Variants in SEMA4D observed in about 807,000 individuals in gnomAD.
The protein encoded by SEMA4D is semaphorin-4D.
In SEMA4D, 22 loss-of-function variants were observed where a neutral mutation model predicts 74.8. The ratio of observed to expected loss-of-function variants is 0.29; its 90% CI spans 0.21 to 0.42. The LOEUF (loss-of-function observed/expected upper bound fraction) is 0.42. SEMA4D is among the 10% of genes least tolerant of loss of function. The pLI is 1.00. For missense variants in SEMA4D, 937 were observed against 1,118.4 expected, an observed-to-expected ratio of 0.84 and a Z score of 2.31; for synonymous variants, 445 against 463.7, an observed-to-expected ratio of 0.96 and a Z score of 0.52.
chr9:89,376,177 G>A (rs1251324744), downstream of SEMA4D, among the ~76,000 whole-genome samples: 1 of 152,222 alleles, frequency 6.6e-6, no homozygotes, highest in South Asian at 2.1e-4. Context: ...TCCCATTCTG[G>A]AAGCTCTTAA....
rs150331246 is a variant in SEMA4D, at chr9:89,421,800, C to CGTGT, written c.-243-16105_-243-16102dup. Among the ~76,000 whole-genome samples, 6 of 149,876 alleles carry CGTGT rather than the reference C, an allele frequency of 4.0e-5. No individual in the cohort carries two copies. The East Asian group carries it at 1.2e-3, about 29-fold the overall frequency. On this transcript the variant is annotated intron_variant, in intron 2 of 15. Coordinates refer to ENST00000422704, the MANE Select transcript of SEMA4D (RefSeq NM_001371194.2). ...CACATGGTGTGTGACCGTGTGTGTG[C>CGTGT]GTGTGTGTGTGTGTGTGGGTGTGCA...
At chr9:89,370,418 T>G (rs1032484060) in intron 16 of SEMA4D, among the ~76,000 whole-genome samples, 6 of 145,280 alleles carry the variant, frequency 4.1e-5, no homozygotes, top group Non-Finnish European at 6.1e-5. Context: ...TGTGGTGTGT[T>G]TGTGGTGTGT....
chr9:89,406,825 A>G (rs1843416003), intron 2 of SEMA4D, among the ~76,000 whole-genome samples: 1 of 151,860 alleles, frequency 6.6e-6, no homozygotes, highest in Admixed American at 6.6e-5. Flanking sequence ...CCACCTCCAC[A>G]TGCCGCCTTC....
intron 1 of SEMA4D, among the ~76,000 whole-genome samples, chr9:89,487,818 C>T (rs567055527): frequency 1.3e-5 from 2 of 152,246 alleles, no homozygotes; most frequent in Admixed American, 1.3e-4. Flanking sequence ...GACCTGTACA[C>T]TCAAAACTAC....
At position 89,471,567 on chromosome 9, in the gene SEMA4D, G is replaced by T. The variant is rs1860239607; in HGVS notation, c.-309-15614C>A. Reference sequence around the variant, plus strand: ...GTTCACAATCTTTATCATACACACTGGCTCAGGTGCATGCCGGCTCAGATG... The same window carrying T: ...GTTCACAATCTTTATCATACACACTTGCTCAGGTGCATGCCGGCTCAGATG... On this transcript the variant is annotated intron_variant, in intron 1 of 15. Transcript: ENST00000422704. Among the ~76,000 whole-genome samples, 3 of 148,254 alleles carry T rather than the reference G, an allele frequency of 2.0e-5. No homozygotes were observed. The South Asian group carries it at 6.2e-4, about 31-fold the overall frequency.
intron 4 of SEMA4D, among the ~76,000 whole-genome samples, chr9:89,400,823 C>A (rs1434493846): frequency 6.6e-6 from 1 of 152,148 alleles, no homozygotes; most frequent in Admixed American, 6.5e-5. Context: ...AGCCTCTCCC[C>A]AACCCCGAGG....
intron 1 of SEMA4D, among the ~76,000 whole-genome samples, chr9:89,473,212 AC>A (rs1359371851): frequency 6.6e-6 from 1 of 152,136 alleles, no homozygotes; most frequent in Non-Finnish European, 1.5e-5. Context: ...TTGTGCTATA[AC>A]AACAACAACA....
intron 2 of SEMA4D, among the ~76,000 whole-genome samples, chr9:89,453,793 G>A (rs1022547979): frequency 1.3e-5 from 2 of 151,950 alleles, no homozygotes; most frequent in Non-Finnish European, 2.9e-5. Flanking sequence ...GCCACTTCAC[G>A]CTGGGAAAAG....
Position 89,378,742 on chromosome 9 carries a change from C to T in SEMA4D, c.2551G>A (p.Glu851Lys), listed in dbSNP as rs778781300. The change falls in exon 16 of 16, where the codon GAG (glutamate) becomes AAG (lysine). Residue 851 changes from glutamate (E) to lysine (K), a missense_variant. By Grantham distance (56) the Glu-to-Lys change is moderately conservative (BLOSUM62 1). Coordinates refer to ENST00000422704, the MANE Select transcript of SEMA4D (RefSeq NM_001371194.2). ...ARDKPFDVKC[E>K]LKFADSDADG... ...GCGTCTGAGTCAGCGAACTTCAGCTCACACTTGACGTCAAAGGGCTTGTCC... is the reference window on the plus strand; with the variant it reads ...GCGTCTGAGTCAGCGAACTTCAGCTTACACTTGACGTCAAAGGGCTTGTCC... 10 of 1,614,194 alleles carry T rather than the reference C, an allele frequency of 6.2e-6. No homozygotes were observed. Among genetic ancestry groups the T allele is most frequent in the Non-Finnish European group, 7.6e-6 (9 of 1,180,036 alleles).
At chr9:89,401,141 A>G (rs1320566200) in intron 4 of SEMA4D, among the ~76,000 whole-genome samples, 1 of 151,834 alleles carries the variant, frequency 6.6e-6, no homozygotes, top group Admixed American at 6.6e-5. Context: ...TGCAGCCTCG[A>G]CCTCCTGGGC....
At chr9:89,361,973 G>C (rs1039111931) in exon 19 of SEMA4D, 1 of 263,972 alleles carries the variant, frequency 3.8e-6, no homozygotes, top group Non-Finnish European at 7.4e-6. Flanking sequence ...TGCTAACCCT[G>C]TTGGCTATTA....
At chr9:89,434,449 T>C (rs1407291315) in intron 2 of SEMA4D, among the ~76,000 whole-genome samples, 2 of 152,178 alleles carry the variant, frequency 1.3e-5, no homozygotes, top group Admixed American at 6.5e-5. Flanking sequence ...TATGTAAAAA[T>C]GTTAGTCTGT....
Position 89,392,330 on chromosome 9 carries a change from C to G in SEMA4D, c.622+93G>C. ...CAGGGGCTAACACAAGCTCGGGGGC[C>G]CCCAGGGCTCAGAGACAGAAAAGGA... is the stretch of plus-strand genomic sequence containing the variant. On this transcript the variant is annotated intron_variant, in intron 8 of 15. Transcript: ENST00000422704. 1.3e-5 allele frequency: 13 copies of G among 1,020,812 alleles called. No individual in the cohort carries two copies. In the South Asian group the frequency reaches 1.7e-4, roughly 14 times the overall value. 63.2% of individuals were successfully genotyped at this position (1,020,812 alleles called of 1,614,324 possible).
intron 16 of SEMA4D, among the ~76,000 whole-genome samples, chr9:89,371,783 G>A (rs1481216108): frequency 3.0e-5 from 2 of 65,970 alleles, no homozygotes; most frequent in Non-Finnish European, 6.2e-5. Context: ...GGTGTGTGTC[G>A]GGGTGTGTTT....
intron 9 of SEMA4D, among the ~76,000 whole-genome samples, chr9:89,389,863 C>T (rs1245383196): frequency 6.6e-6 from 1 of 152,214 alleles, no homozygotes; most frequent in Non-Finnish European, 1.5e-5. Context: ...ATTTCTAGCA[C>T]ATTTTTCGTC....
intron 11 of SEMA4D, 99 bp downstream of exon 11, chr9:89,388,537 C>T (rs1839077491): frequency 6.9e-7 from 1 of 1,441,682 alleles, no homozygotes; most frequent in Admixed American, 2.5e-5. Context: ...TTGGCGTGGC[C>T]AGGTACCCAG....
At chr9:89,477,626 C>T (rs931391143) in intron 1 of SEMA4D, among the ~76,000 whole-genome samples, 2 of 152,140 alleles carry the variant, frequency 1.3e-5, no homozygotes, top group Non-Finnish European at 2.9e-5. Flanking sequence ...GGGGAAACAC[C>T]CCCTCTATGG....
intron 16 of SEMA4D, among the ~76,000 whole-genome samples, chr9:89,371,030 TGG>T (rs1834556656): frequency 1.5e-5 from 1 of 68,958 alleles, no homozygotes; most frequent in South Asian, 5.3e-4. Context: ...GTATCTGGGG[TGG>T]GGTGTGGTGT....
At chr9:89,446,261 T>C (rs1482987512) in intron 2 of SEMA4D, among the ~76,000 whole-genome samples, 1 of 152,110 alleles carries the variant, frequency 6.6e-6, no homozygotes, top group East Asian at 1.9e-4. Context: ...GTGAGTGCAT[T>C]TGGGGCCCAC....
Sources: gnomAD v4.1 joint callset for allele counts (sites outside exome capture counted in the v4.1 genomes callset) on GRCh38, gnomAD v4.1.1 for gene constraint, MANE v1.5 for transcripts, NCBI Gene and HGNC (gene_info 2026-07-23, HGNC 2026-07-21) for gene names.